Variants in SH3BGRL2 observed in about 807,000 individuals in gnomAD.
SH3BGRL2 encodes SH3 domain-binding glutamic acid-rich-like protein 2.
Under a neutral mutation model 14.8 loss-of-function variants are expected in SH3BGRL2, and 21 were observed. The ratio of observed to expected loss-of-function variants is 1.42; its 90% CI spans 1.01 to 2.05. SH3BGRL2 has a LOEUF of 2.05. SH3BGRL2 is among the 30% of genes most tolerant of loss of function. The pLI is 0.00. For missense variants in SH3BGRL2, 147 were observed against 130.8 expected, an observed-to-expected ratio of 1.12 and a Z score of -0.61; for synonymous variants, 50 against 47.8, an observed-to-expected ratio of 1.05 and a Z score of -0.19.
chr6:79,565,408 T>C, the SH3BGRL2 span, among the ~76,000 whole-genome samples: 2,492 of 152,280 alleles, frequency 0.016, 65 homozygotes, highest in African/African-American at 0.056. Flanking sequence ...TCTATGTTTT[T>C]TTACTATTAT....
At chr6:79,667,148 C>G (rs1769676701) in intron 1 of SH3BGRL2, among the ~76,000 whole-genome samples, 1 of 152,174 alleles carries the variant, frequency 6.6e-6, no homozygotes, top group Non-Finnish European at 1.5e-5. Flanking sequence ...CCCCCTGAAC[C>G]AGCATAGGTT....
At position 79,631,343 on chromosome 6, in the gene SH3BGRL2, T is replaced by C; in HGVS notation, c.-119T>C. On this transcript the variant is annotated 5_prime_UTR_variant, in exon 1 of 4. Transcript: ENST00000369838. ...GGGAGGGAGCCAGATCCCAGCGATCTTCCCCGACGGCAGCGCTTTACCCAG... is the reference window on the plus strand; with the variant it reads ...GGGAGGGAGCCAGATCCCAGCGATCCTCCCCGACGGCAGCGCTTTACCCAG... 1.1e-6 allele frequency: 1 copy of C among 914,250 alleles called. No homozygotes were observed. Among genetic ancestry groups the C allele is most frequent in the East Asian group, 3.3e-5 (1 of 30,132 alleles). The allele number at this position is 914,250 out of a possible 1,614,324, so 56.6% of individuals were successfully genotyped here. A position where few individuals can be genotyped will look rare whatever the true frequency, so the allele number is the denominator to read the frequency against.
chr6:79,698,903 G>T (rs1397981927), intron 3 of SH3BGRL2, among the ~76,000 whole-genome samples: 1 of 152,120 alleles, frequency 6.6e-6, no homozygotes, highest in Non-Finnish European at 1.5e-5. Context: ...ACCCCAAGAA[G>T]GGCCTGTCAT....
At chr6:79,604,912 A>G in the SH3BGRL2 span, among the ~76,000 whole-genome samples, 1 of 152,166 alleles carries the variant, frequency 6.6e-6, no homozygotes, top group Non-Finnish European at 1.5e-5. Context: ...AATGCGAATT[A>G]TTTTAGGTAG....
chr6:79,655,141 G>C (rs1236097892), intron 1 of SH3BGRL2, among the ~76,000 whole-genome samples: 3 of 152,130 alleles, frequency 2.0e-5, no homozygotes, highest in Admixed American at 1.3e-4. Context: ...GGGTGCTTTT[G>C]TCAGGGAAGA....
the SH3BGRL2 span, among the ~76,000 whole-genome samples, chr6:79,620,146 C>G: frequency 6.6e-6 from 1 of 151,940 alleles, no homozygotes; most frequent in Non-Finnish European, 1.5e-5. Context: ...TCATAGAAGC[C>G]TGGTTCTCCC....
the SH3BGRL2 span, among the ~76,000 whole-genome samples, chr6:79,590,174 G>A: frequency 6.3e-4 from 96 of 152,106 alleles, 1 homozygote; most frequent in African/African-American, 2.2e-3. Flanking sequence ...AGGCTGTGGA[G>A]AAAAGGGATG....
chr6:79,700,026 T>C lies in SH3BGRL2; in HGVS notation c.*517T>C, dbSNP rs1210950369. ...TCAGTTACAAACATCACAGTTCCCA[T>C]GCTTTGTAATAACACCTGGTGAAAA... On this transcript the variant is annotated 3_prime_UTR_variant, in exon 4 of 4. Transcript: ENST00000369838. 1 of 153,178 alleles carries C rather than the reference T, an allele frequency of 6.5e-6. No homozygotes were observed. The highest frequency in any genetic ancestry group is 1.5e-5 in the Non-Finnish European group (1 of 68,764). 9.5% of individuals were successfully genotyped at this position (153,178 alleles called of 1,614,324 possible).
chr6:79,628,370 A>AC (rs1231654672), upstream of SH3BGRL2, among the ~76,000 whole-genome samples: 1 of 151,850 alleles, frequency 6.6e-6, no homozygotes, highest in Non-Finnish European at 1.5e-5. Context: ...AAGGTCAAGA[A>AC]CCCCTACTTT....
At chr6:79,554,357 A>C in the SH3BGRL2 span, among the ~76,000 whole-genome samples, 1 of 152,210 alleles carries the variant, frequency 6.6e-6, no homozygotes, top group East Asian at 1.9e-4. Context: ...TCCAAATCAC[A>C]AAGTTTTTGC....
At chr6:79,586,321 C>G in the SH3BGRL2 span, among the ~76,000 whole-genome samples, 659 of 124,110 alleles carry the variant, frequency 5.3e-3, 5 homozygotes, top group African/African-American at 0.02. Flanking sequence ...AATTCTTCTT[C>G]CAATATGGAC....
intron 2 of SH3BGRL2, among the ~76,000 whole-genome samples, chr6:79,679,742 A>C (rs1769953763): frequency 6.6e-6 from 1 of 151,638 alleles, no homozygotes; most frequent in South Asian, 2.1e-4. Context: ...ATCCTCACCA[A>C]CTTTTTTTGT....
intron 1 of SH3BGRL2, among the ~76,000 whole-genome samples, chr6:79,640,451 A>C (rs1582713760): frequency 6.6e-6 from 1 of 152,328 alleles, no homozygotes; most frequent in Non-Finnish European, 1.5e-5. Context: ...CTCAGATGCC[A>C]GCATCCAGGC....
intron 2 of SH3BGRL2, among the ~76,000 whole-genome samples, chr6:79,683,200 A>T (rs571669022): frequency 4.0e-5 from 6 of 151,654 alleles, no homozygotes; most frequent in South Asian, 4.2e-4. Context: ...AGTATAATTT[A>T]AAAAAAAACA....
chr6:79,630,045 A>G (rs1363656329), upstream of SH3BGRL2, among the ~76,000 whole-genome samples: 1 of 152,264 alleles, frequency 6.6e-6, no homozygotes, highest in Non-Finnish European at 1.5e-5. Context: ...AAATTAAAGT[A>G]CATTTGCCGA....
At chr6:79,543,346 C>T in the SH3BGRL2 span, among the ~76,000 whole-genome samples, 1 of 152,128 alleles carries the variant, frequency 6.6e-6, no homozygotes, top group Non-Finnish European at 1.5e-5. Flanking sequence ...ATTTCAAGTA[C>T]TCAGTAGTCA....
intron 2 of SH3BGRL2, among the ~76,000 whole-genome samples, chr6:79,674,000 G>A (rs1769831570): frequency 1.3e-5 from 2 of 152,060 alleles, no homozygotes; most frequent in Non-Finnish European, 1.5e-5. Flanking sequence ...CGAGGGTTGT[G>A]TGGTATGTGA....
At chr6:79,549,170 T>C in the SH3BGRL2 span, among the ~76,000 whole-genome samples, 1 of 152,132 alleles carries the variant, frequency 6.6e-6, no homozygotes, top group Non-Finnish European at 1.5e-5. Flanking sequence ...ATGAGGGGCA[T>C]GGAATGAAGA....
At chr6:79,665,601 G>C (rs1021024919) in intron 1 of SH3BGRL2, among the ~76,000 whole-genome samples, 10 of 152,090 alleles carry the variant, frequency 6.6e-5, no homozygotes, top group Non-Finnish European at 1.5e-4. Flanking sequence ...CAAAAATATT[G>C]ACTGGTTAAA....
Sources: gnomAD v4.1 joint callset for allele counts (sites outside exome capture counted in the v4.1 genomes callset) on GRCh38, gnomAD v4.1.1 for gene constraint, MANE v1.5 for transcripts, NCBI Gene and HGNC (gene_info 2026-07-23, HGNC 2026-07-21) for gene names.